FBN1: variants seen among roughly 807,000 people sequenced by gnomAD.
FBN1 encodes the protein fibrillin 1.
FBN1 carries 29 observed loss-of-function variants against 365.1 expected under a neutral mutation model. The observed-to-expected ratio is 0.08, with a 90% CI of 0.06 to 0.11. The LOEUF is 0.11. Ranked by LOEUF, FBN1 falls within the 10% of genes least tolerant of loss-of-function variation. The pLI, the probability that FBN1 is intolerant of heterozygous loss-of-function variation, is 1.00. For missense variants in FBN1, 2,476 were observed against 3,703.2 expected (o/e 0.67, Z 8.60); for synonymous variants, 1,210 against 1,270.5 (o/e 0.95, Z 1.01).
intron 53 of FBN1, among the ~76,000 whole-genome samples, chr15:48,435,768 GTA>G (rs371770634): frequency 7.8e-4 from 87 of 111,340 alleles, no homozygotes; most frequent in South Asian, 1.2e-3. Flanking sequence ...ATATATATGT[GTA>G]TATGTGTGTG....
chr15:48,437,808 G>C lies in FBN1; in HGVS notation c.6273C>G (p.Gly2091=). ...QECCCALKGE[G]WGDPCELCPT... ...GGCAGAGCTCGCAGGGGTCTCCCCA[G>C]CCTTCTCCCTTCAAGGCACAGCAGC... The change falls in exon 51 of 66, where the codon GGC becomes GGG. Residue 2091 remains glycine, a synonymous_variant. Coordinates refer to ENST00000316623, the MANE Select transcript of FBN1 (RefSeq NM_000138.5). 6.2e-7 allele frequency: 1 copy of C among 1,613,814 alleles called. No homozygotes were observed. Among genetic ancestry groups the C allele is most frequent in the East Asian group, 2.2e-5 (1 of 44,862 alleles).
At chr15:48,464,813 A>G (rs1380050548) in intron 40 of FBN1, among the ~76,000 whole-genome samples, 1 of 152,192 alleles carries the variant, frequency 6.6e-6, no homozygotes, top group African/African-American at 2.4e-5. Context: ...TCCTCTCCCC[A>G]CTTCCAAATG....
chr15:48,526,978 C>T (rs2043920261), intron 8 of FBN1, among the ~76,000 whole-genome samples: 2 of 152,176 alleles, frequency 1.3e-5, no homozygotes, highest in Non-Finnish European at 2.9e-5. Flanking sequence ...CACCCGACAC[C>T]CAATAAGCAA....
Position 48,411,323 on chromosome 15 carries a change from T to A in FBN1, c.8283A>T (p.Thr2761=), listed in dbSNP as rs146120912. The change falls in exon 66 of 66, where the codon ACA becomes ACT. Residue 2761 remains threonine, a synonymous_variant. Coordinates refer to ENST00000316623, the MANE Select transcript of FBN1 (RefSeq NM_000138.5). ...VSLASWDVEK[T]AIFAFNISHV... is the part of the protein sequence containing the mutation. The stretch of plus-strand genomic sequence containing the variant: ...GGGAAATATTGAAAGCAAAGATGGC[T>A]GTCTTCTCAACATCCCAACTTGCAA... The A allele has an allele frequency of 5.2e-4, 834 of 1,614,108 alleles. 3 individuals carry two copies. The African/African-American group carries it at 9.8e-3, about 19-fold the overall frequency.
chr15:48,416,490 C>T (rs1317671129), intron 63 of FBN1, among the ~76,000 whole-genome samples: 2 of 152,192 alleles, frequency 1.3e-5, no homozygotes, highest in Non-Finnish European at 2.9e-5. Context: ...TGTCTGAGCC[C>T]TGTCTAAAAC....
chr15:48,639,166 C>T (rs1189081479), intron 2 of FBN1, among the ~76,000 whole-genome samples: 1 of 152,166 alleles, frequency 6.6e-6, no homozygotes, highest in Non-Finnish European at 1.5e-5. Context: ...AAAACCAAAA[C>T]CATAACTAAA....
intron 2 of FBN1, among the ~76,000 whole-genome samples, chr15:48,629,522 A>G (rs1889946808): frequency 6.6e-6 from 1 of 152,186 alleles, no homozygotes; most frequent in South Asian, 2.1e-4. Flanking sequence ...AATATTAGAA[A>G]ATTAGTGTTA....
intron 2 of FBN1, among the ~76,000 whole-genome samples, chr15:48,623,270 AATT>A (rs1165830614): frequency 6.6e-6 from 1 of 152,238 alleles, no homozygotes; most frequent in African/African-American, 2.4e-5. Context: ...TGTGCGATAG[AATT>A]ATTTCTTATA....
At chr15:48,541,292 A>G (rs2044055997) in intron 6 of FBN1, among the ~76,000 whole-genome samples, 2 of 152,256 alleles carry the variant, frequency 1.3e-5, no homozygotes, top group South Asian at 4.1e-4. Flanking sequence ...TATGTAGAAT[A>G]GAAACTATGG....
At position 48,439,667 on chromosome 15, in the gene FBN1, G is replaced by T. The variant is rs375565917; in HGVS notation, c.6164-1750C>A. Reference sequence around the variant, plus strand: ...CTTTAAATATGTATGTTGTAATATTGGTGTATTAAAATTCTCATTCTCTTT... The same window carrying T: ...CTTTAAATATGTATGTTGTAATATTTGTGTATTAAAATTCTCATTCTCTTT... On this transcript the variant is annotated intron_variant, in intron 50 of 65. Coordinates refer to ENST00000316623, the MANE Select transcript of FBN1 (RefSeq NM_000138.5). 4.6e-5 allele frequency among the ~76,000 whole-genome samples: 7 copies of T among 152,058 alleles called. No individual in the cohort carries two copies. In the South Asian group the frequency reaches 1.2e-3, roughly 27 times the overall value.
At chr15:48,491,501 C>T (rs1227309607) in intron 24 of FBN1, among the ~76,000 whole-genome samples, 1 of 152,094 alleles carries the variant, frequency 6.6e-6, no homozygotes, top group African/African-American at 2.4e-5. Flanking sequence ...CAGGTGCCCG[C>T]CACCGTGCCT....
At chr15:48,550,629 A>T (rs946968384) in intron 6 of FBN1, among the ~76,000 whole-genome samples, 2 of 151,972 alleles carry the variant, frequency 1.3e-5, no homozygotes, top group Admixed American at 1.3e-4. Context: ...TCTTCCCTAA[A>T]TGCCTTCCCC....
Position 48,456,843 on chromosome 15 carries a change from C to CGTGCGTGTGTGTGTGTGT in FBN1, c.5297-82_5297-81insACACACACACACACGCAC, listed in dbSNP as rs6145556. The CGTGCGTGTGTGTGTGTGT allele has an allele frequency of 8.2e-5, 61 of 744,720 alleles. No individual in the cohort carries two copies. The African/African-American group carries it at 1.1e-3, about 13-fold the overall frequency. The allele number at this position is 744,720 out of a possible 1,614,324, so 46.1% of individuals were successfully genotyped here. On this transcript the variant is annotated intron_variant, in intron 43 of 65. Transcript: ENST00000316623. ...GGTAAGACAAGATGGAAAGTGCGTGCGTGTGTGTGTGTGTGTGTGTGTGTG... is the reference window on the plus strand; with the variant it reads ...GGTAAGACAAGATGGAAAGTGCGTGCGTGCGTGTGTGTGTGTGTGTGTGTGTGTGTGTGTGTGTGTGTG...
intron 10 of FBN1, among the ~76,000 whole-genome samples, chr15:48,518,752 T>G (rs2043826389): frequency 6.6e-6 from 1 of 152,228 alleles, no homozygotes; most frequent in Non-Finnish European, 1.5e-5. Flanking sequence ...ATTTATTTTT[T>G]AAAGAGTGAA....
chr15:48,620,657 G>A (rs540300122), intron 2 of FBN1, among the ~76,000 whole-genome samples: 1 of 152,084 alleles, frequency 6.6e-6, no homozygotes, highest in South Asian at 2.1e-4. Context: ...ATTTTTGATA[G>A]ATACATAATA....
intron 64 of FBN1, among the ~76,000 whole-genome samples, chr15:48,414,042 G>A (rs996201500): frequency 6.6e-6 from 1 of 152,182 alleles, no homozygotes; most frequent in Admixed American, 6.5e-5. Context: ...GAGGTAAACT[G>A]CAAATTTGCA....
intron 64 of FBN1, among the ~76,000 whole-genome samples, chr15:48,415,110 T>A (rs747508990): frequency 6.6e-5 from 10 of 152,206 alleles, no homozygotes; most frequent in Non-Finnish European, 1.3e-4. Flanking sequence ...GTCTTTGACT[T>A]ATTCTAACAG....
At chr15:48,629,164 C>T (rs985329153) in intron 2 of FBN1, among the ~76,000 whole-genome samples, 2 of 152,186 alleles carry the variant, frequency 1.3e-5, no homozygotes, top group African/African-American at 2.4e-5. Flanking sequence ...CTTCCTTCAT[C>T]GAGAAAGTCT....
rs767589335 is a variant in FBN1, at chr15:48,472,720, G to A, written c.4211-44C>T. 2.5e-6 allele frequency: 4 copies of A among 1,613,732 alleles called. No individual in the cohort carries two copies. The East Asian group carries it at 8.9e-5, about 36-fold the overall frequency. On this transcript the variant is annotated intron_variant, in intron 34 of 65. Coordinates refer to ENST00000316623, the MANE Select transcript of FBN1 (RefSeq NM_000138.5). ...ACACGTTACTCTTCCTCGGTTAGGG[G>A]CTTTCTAATTCCTCAGGTCTATCAA...
Sources: allele counts gnomAD v4.1 joint callset (sites outside exome capture counted in the v4.1 genomes callset), GRCh38; gene constraint gnomAD v4.1.1; transcripts MANE v1.5; gene names NCBI Gene and HGNC (gene_info 2026-07-23, HGNC 2026-07-21).